Variants in FGF14 observed in about 807,000 individuals in gnomAD.
FGF14 encodes fibroblast growth factor 14.
A neutral mutation model predicts 25.5 loss-of-function variants in FGF14; 5 were observed. That is an observed-to-expected ratio of 0.20 (90% CI 0.10 to 0.41). The LOEUF is 0.41. FGF14 is among the 10% of genes least tolerant of loss of function. FGF14 has a pLI of 1.00. For missense variants in FGF14, 222 were observed against 320.1 expected (o/e 0.69, Z 2.34); for synonymous variants, 138 against 118.3 (o/e 1.17, Z -1.08).
intron 1 of FGF14, among the ~76,000 whole-genome samples, chr13:102,068,334 G>A (rs911255290): frequency 3.9e-5 from 6 of 152,218 alleles, no homozygotes; most frequent in African/African-American, 1.2e-4. Flanking sequence ...GCCCTCGCTC[G>A]CTCTCGGCGC....
chr13:101,846,426 A>G (rs914206439), intron 3 of FGF14, among the ~76,000 whole-genome samples: 1 of 152,106 alleles, frequency 6.6e-6, no homozygotes, highest in Non-Finnish European at 1.5e-5. Flanking sequence ...TTCCAGTTAC[A>G]TAAACTGACT....
chr13:102,365,361 T>G (rs2057680862), intron 1 of FGF14, among the ~76,000 whole-genome samples: 1 of 152,128 alleles, frequency 6.6e-6, no homozygotes, highest in Non-Finnish European at 1.5e-5. Flanking sequence ...CAGATTCCAA[T>G]TTTGGCTTTA....
At chr13:102,333,885 G>C (rs1241311625) in intron 1 of FGF14, among the ~76,000 whole-genome samples, 1 of 152,128 alleles carries the variant, frequency 6.6e-6, no homozygotes, top group Non-Finnish European at 1.5e-5. Flanking sequence ...GACGACTGAA[G>C]GGTGCATGCT....
At chr13:102,308,558 T>A (rs1013516275) in intron 1 of FGF14, among the ~76,000 whole-genome samples, 1 of 152,116 alleles carries the variant, frequency 6.6e-6, no homozygotes, top group African/African-American at 2.4e-5. Context: ...TAAAATTCAA[T>A]GCAATTATGT....
intron 1 of FGF14, among the ~76,000 whole-genome samples, chr13:101,966,215 A>T (rs1250774446): frequency 6.6e-6 from 1 of 152,204 alleles, no homozygotes; most frequent in Non-Finnish European, 1.5e-5. Context: ...CTCTATTGCC[A>T]TATAACTGGT....
intron 1 of FGF14, among the ~76,000 whole-genome samples, chr13:102,300,723 C>T (rs2054992745): frequency 6.6e-6 from 1 of 152,106 alleles, no homozygotes; most frequent in Non-Finnish European, 1.5e-5. Context: ...CAAGAAGATA[C>T]ACAGTGCATA....
At position 101,736,233 on chromosome 13, in the gene FGF14, CATAACT is replaced by C. The variant is rs201795141; in HGVS notation, c.409-9429_409-9424del. 1.2e-3 allele frequency among the ~76,000 whole-genome samples: 181 copies of C among 152,076 alleles called. 3 individuals carry two copies. In the East Asian group the frequency reaches 0.027, roughly 23 times the overall value. On this transcript the variant is annotated intron_variant, in intron 3 of 4. Transcript: ENST00000376143. ...GTGTGTATACATAAGTGTATATATA[CATAACT>C]ATATCAATGAACATTTGAATATTTT...
intron 1 of FGF14, among the ~76,000 whole-genome samples, chr13:102,114,940 C>A (rs11619662): frequency 0.15 from 22,403 of 152,042 alleles, 1,663 homozygotes; most frequent in African/African-American, 0.18. Context: ...ATATATTGAA[C>A]ACTCACAAAT....
chr13:102,149,341 G>A (rs9582555), intron 1 of FGF14, among the ~76,000 whole-genome samples: 11 of 152,102 alleles, frequency 7.2e-5, no homozygotes, highest in African/African-American at 2.7e-4. Flanking sequence ...GAAAGGTTAA[G>A]TAAGTTTAAG....
chr13:101,804,379 T>C (rs1467580859), intron 3 of FGF14, among the ~76,000 whole-genome samples: 2 of 150,412 alleles, frequency 1.3e-5, no homozygotes, highest in East Asian at 3.9e-4. Context: ...TTCTGGAAAT[T>C]TGTTGGTGTG....
At chr13:102,402,056 A>G (rs2058712392), upstream of FGF14, 1 of 190,208 alleles carries the variant, frequency 5.3e-6, no homozygotes, top group East Asian at 1.4e-4. Context: ...AGGAAAAAAA[A>G]AAAAAGAGGA....
At chr13:102,111,354 T>C (rs1028113229) in intron 1 of FGF14, among the ~76,000 whole-genome samples, 2 of 152,234 alleles carry the variant, frequency 1.3e-5, no homozygotes, top group Non-Finnish European at 2.9e-5. Context: ...AAGTTTAAAA[T>C]ATATTCTCAT....
rs564855035 is a variant in FGF14, at chr13:101,796,824, A to G, written c.409-70014T>C. On this transcript the variant is annotated intron_variant, in intron 3 of 4. Coordinates refer to ENST00000376143, the MANE Select transcript of FGF14 (RefSeq NM_004115.4). ...CTTTAAGCCCCCCGGTTGGTAGTAC[A>G]TTGTTACGGCAGCCCTAGCAGACAA... Among the ~76,000 whole-genome samples the G allele has an allele frequency of 6.6e-5, 10 of 152,232 alleles. 1 individual carries two copies. In the East Asian group the frequency reaches 1.7e-3, roughly 27 times the overall value.
chr13:102,117,992 T>A (rs2045551787), intron 1 of FGF14, among the ~76,000 whole-genome samples: 1 of 152,128 alleles, frequency 6.6e-6, no homozygotes, highest in Non-Finnish European at 1.5e-5. Context: ...TTACCTATTT[T>A]AAATAAAAAA....
chr13:101,805,651 C>CT (rs1355025666), intron 3 of FGF14, among the ~76,000 whole-genome samples: 2 of 152,014 alleles, frequency 1.3e-5, no homozygotes, highest in Admixed American at 1.3e-4. Flanking sequence ...ATATAATATT[C>CT]TTTTTAAGAA....
At chr13:101,953,558 A>ATGTGTGTGTGTG (rs369170619) in intron 1 of FGF14, among the ~76,000 whole-genome samples, 2,637 of 148,326 alleles carry the variant, frequency 0.018, 41 homozygotes, top group Non-Finnish European at 0.029. Flanking sequence ...GTATATATAT[A>ATGTGTGTGTGTG]TGTGTGTGTG....
At chr13:102,038,350 T>C (rs894522211) in intron 1 of FGF14, among the ~76,000 whole-genome samples, 3 of 152,116 alleles carry the variant, frequency 2.0e-5, no homozygotes, top group Non-Finnish European at 2.9e-5. Context: ...TCCTTGACCA[T>C]AGAATGACAC....
intron 1 of FGF14, among the ~76,000 whole-genome samples, chr13:102,123,052 C>T (rs2045800224): frequency 6.6e-6 from 1 of 152,212 alleles, no homozygotes; most frequent in South Asian, 2.1e-4. Flanking sequence ...AGATGGGCAG[C>T]ATTACAAAGA....
At chr13:101,998,926 T>C (rs1321477484) in intron 1 of FGF14, among the ~76,000 whole-genome samples, 3 of 152,226 alleles carry the variant, frequency 2.0e-5, no homozygotes, top group African/African-American at 7.2e-5. Context: ...CACCCATTTT[T>C]TTCTTTTCCA....
Sources: gnomAD v4.1 joint callset for allele counts (sites outside exome capture counted in the v4.1 genomes callset) on GRCh38, gnomAD v4.1.1 for gene constraint, MANE v1.5 for transcripts, NCBI Gene and HGNC (gene_info 2026-07-23, HGNC 2026-07-21) for gene names.